FOCAD: variants seen among roughly 807,000 people sequenced by gnomAD.
FOCAD encodes KIAA1797.
In FOCAD, 198 loss-of-function variants were observed where a neutral mutation model predicts 225.6. The observed-to-expected ratio is 0.88, with a 90% CI of 0.78 to 0.99. The LOEUF (loss-of-function observed/expected upper bound fraction) is 0.99, where lower values mean the gene tolerates loss of function less well. Among genes scored for constraint, FOCAD ranks in the 50% least tolerant of loss-of-function variants. The probability of loss-of-function intolerance (pLI) is 0.00; values close to 1 mark genes in which losing one functional copy is unlikely to be tolerated. For synonymous variants in FOCAD, 897 were observed against 755.0 expected (o/e 1.19, Z -3.08); for missense variants, 2,713 against 2,123.6 (o/e 1.28, Z -5.46).
intron 27 of FOCAD, 139 bp downstream of exon 27, chr9:20,929,735 C>G (rs1339487832): frequency 1.6e-6 from 1 of 644,122 alleles, no homozygotes; most frequent in Non-Finnish European, 2.7e-6. Context: ...CAAGTTGATC[C>G]TTTATTCTTC....
At chr9:20,923,211 A>G (rs1218659470) in intron 24 of FOCAD, among the ~76,000 whole-genome samples, 2 of 152,334 alleles carry the variant, frequency 1.3e-5, no homozygotes, top group Admixed American at 1.3e-4. Context: ...GTGGTTTGCT[A>G]GAAGCCAGTT....
chr9:20,932,705 C>T (rs183405211), intron 27 of FOCAD, among the ~76,000 whole-genome samples: 5 of 152,096 alleles, frequency 3.3e-5, no homozygotes, highest in Admixed American at 2.6e-4. Context: ...TTTGGAATTC[C>T]GAGTTTCTTT....
At chr9:20,746,918 A>G (rs1828082631) in intron 5 of FOCAD, among the ~76,000 whole-genome samples, 1 of 152,168 alleles carries the variant, frequency 6.6e-6, no homozygotes, top group Non-Finnish European at 1.5e-5. Context: ...TTTGAATTCC[A>G]TATAAATGAC....
chr9:20,800,710 A>C (rs910093889), intron 11 of FOCAD, among the ~76,000 whole-genome samples: 27 of 151,970 alleles, frequency 1.8e-4, no homozygotes, highest in African/African-American at 6.5e-4. Flanking sequence ...AGGTCCTTTA[A>C]GGACTTCTCT....
chr9:20,831,349 G>T (rs1188633273), intron 15 of FOCAD, among the ~76,000 whole-genome samples: 2 of 152,062 alleles, frequency 1.3e-5, no homozygotes, highest in Admixed American at 6.6e-5. Context: ...CCTGTCTGTT[G>T]CAACAACAAA....
intron 7 of FOCAD, among the ~76,000 whole-genome samples, chr9:20,767,689 G>A (rs71504748): frequency 0.24 from 28,070 of 118,210 alleles, 3,853 homozygotes; most frequent in Non-Finnish European, 0.27. Flanking sequence ...TTTTTCTTGT[G>A]AATTTGTTTG....
At chr9:20,799,431 A>G (rs925724466) in intron 11 of FOCAD, among the ~76,000 whole-genome samples, 3 of 152,042 alleles carry the variant, frequency 2.0e-5, no homozygotes, top group Non-Finnish European at 2.9e-5. Flanking sequence ...TGATCTGTCT[A>G]ATGTTGACAG....
At chr9:20,776,826 A>T (rs532264739) in intron 8 of FOCAD, among the ~76,000 whole-genome samples, 1 of 152,182 alleles carries the variant, frequency 6.6e-6, no homozygotes, top group African/African-American at 2.4e-5. Flanking sequence ...TCTGAGGTTT[A>T]AGTGATCTTG....
chr9:20,672,567 C>G (rs928508157), intron 2 of FOCAD, among the ~76,000 whole-genome samples: 1 of 152,230 alleles, frequency 6.6e-6, no homozygotes, highest in Admixed American at 6.5e-5. Context: ...TCTCCTGCCT[C>G]AGACTCCAGA....
rs1258802048 is a variant in FOCAD, at chr9:20,948,278, G to A, written c.3683G>A (p.Gly1228Asp). The part of the protein sequence containing the change: ...LLVENSQQTS[G>D]FALALGNIVH... ...TTTATTTATTTATATCAGACTTCAG[G>A]TTTTGCCCTGGCTTTAGGAAACATA... Residue 1228 changes from glycine (G) to aspartate (D), a missense_variant, in exon 31 of 44, where the codon GGT becomes GAT. Transcript: ENST00000338382. 6.2e-7 allele frequency: 1 copy of A among 1,605,384 alleles called. No individual in the cohort carries two copies. Among genetic ancestry groups the A allele is most frequent in the Admixed American group, 1.7e-5 (1 of 59,438 alleles).
At chr9:20,857,869 T>G (rs1159108294) in intron 15 of FOCAD, among the ~76,000 whole-genome samples, 1 of 151,598 alleles carries the variant, frequency 6.6e-6, no homozygotes, top group East Asian at 1.9e-4. Context: ...GTCTTTGTCC[T>G]TCATTCTGAT....
chr9:20,734,433 C>A (rs1826965601), intron 4 of FOCAD, among the ~76,000 whole-genome samples: 1 of 152,142 alleles, frequency 6.6e-6, no homozygotes, highest in African/African-American at 2.4e-5. Flanking sequence ...ATTGAATATT[C>A]CGTTCAAATG....
At chr9:20,670,932 G>A (rs1229196543) in intron 2 of FOCAD, among the ~76,000 whole-genome samples, 1 of 152,104 alleles carries the variant, frequency 6.6e-6, no homozygotes, top group Non-Finnish European at 1.5e-5. Flanking sequence ...CTATTAACTT[G>A]ATATTAAAAA....
At chr9:20,772,416 G>A (rs1342032390) in intron 8 of FOCAD, among the ~76,000 whole-genome samples, 1 of 152,102 alleles carries the variant, frequency 6.6e-6, no homozygotes, top group Non-Finnish European at 1.5e-5. Context: ...GTGGAACTCT[G>A]GGGTGTTTGT....
intron 23 of FOCAD, among the ~76,000 whole-genome samples, chr9:20,914,950 T>C (rs2132073648): frequency 6.6e-6 from 1 of 152,314 alleles, no homozygotes; most frequent in African/African-American, 2.4e-5. Context: ...TATCATACGT[T>C]ATAAATGCTA....
At position 20,946,750 on chromosome 9, in the gene FOCAD, G is replaced by A; in HGVS notation, c.3605G>A (p.Gly1202Glu). ...SCVCTSAFSA[G>E]IIEATEAEDV... ...GTATGTACATCAGCGTTCAGTGCTG[G>A]AATTATTGAGGCTACAGAGGCTGAG... The change falls in exon 30 of 44, where the codon GGA (glycine) becomes GAA (glutamate). Residue 1202 changes from glycine (G) to glutamate (E), a missense_variant. Coordinates refer to ENST00000338382, the MANE Select transcript of FOCAD (RefSeq NM_001375567.1). 6.2e-7 allele frequency: 1 copy of A among 1,613,818 alleles called. No individual in the cohort carries two copies. Among genetic ancestry groups the A allele is most frequent in the Non-Finnish European group, 8.5e-7 (1 of 1,179,816 alleles).
At chr9:20,700,288 G>A (rs1256424028) in intron 1 of FOCAD, among the ~76,000 whole-genome samples, 1 of 152,044 alleles carries the variant, frequency 6.6e-6, no homozygotes, top group Non-Finnish European at 1.5e-5. Context: ...AAGCATTCAT[G>A]TAAAACTTAT....
At chr9:20,846,546 C>A (rs1759457272) in intron 15 of FOCAD, among the ~76,000 whole-genome samples, 2 of 152,072 alleles carry the variant, frequency 1.3e-5, no homozygotes, top group South Asian at 4.1e-4. Flanking sequence ...GGCCTGGGAG[C>A]CTTCTTCAAA....
chr9:20,855,254 A>G (rs899792439), intron 15 of FOCAD, among the ~76,000 whole-genome samples: 1 of 151,654 alleles, frequency 6.6e-6, no homozygotes, highest in Non-Finnish European at 1.5e-5. Context: ...AAATGTATAT[A>G]TTCCTTTTCC....
Sources: allele counts gnomAD v4.1 joint callset (sites outside exome capture counted in the v4.1 genomes callset), GRCh38; gene constraint gnomAD v4.1.1; transcripts MANE v1.5; gene names NCBI Gene and HGNC (gene_info 2026-07-23, HGNC 2026-07-21).